Variants in TLL2 observed in about 807,000 individuals in gnomAD.
TLL2 encodes tolloid like 2.
In TLL2, 106 loss-of-function variants were observed where a neutral mutation model predicts 123.0. That is an observed-to-expected ratio of 0.86 (90% CI 0.74 to 1.01). TLL2 has a LOEUF of 1.01. TLL2 is among the 50% of genes least tolerant of loss of function. TLL2 has a pLI of 0.00. For missense variants in TLL2, 1,332 were observed against 1,336.7 expected (o/e 1.00, Z 0.06); for synonymous variants, 494 against 516.8 (o/e 0.96, Z 0.60).
At chr10:96,467,287 A>T (rs953007482) in intron 2 of TLL2, among the ~76,000 whole-genome samples, 1 of 152,102 alleles carries the variant, frequency 6.6e-6, no homozygotes, top group Non-Finnish European at 1.5e-5. Context: ...GCTCAAGCAC[A>T]ATCATAGCTC....
At chr10:96,469,196 T>G (rs1183444189) in intron 2 of TLL2, among the ~76,000 whole-genome samples, 1 of 152,222 alleles carries the variant, frequency 6.6e-6, no homozygotes, top group East Asian at 1.9e-4. Flanking sequence ...GGGTTTGGAC[T>G]CAACACACGA....
At chr10:96,373,429 C>T in intron 19 of TLL2, 167 bp downstream of exon 19, 1 of 660,382 alleles carries the variant, frequency 1.5e-6, no homozygotes, top group Admixed American at 2.8e-5. Context: ...GCATGAGCCA[C>T]CACGCCCAGC....
At chr10:96,455,039 G>T (rs1035375963) in intron 2 of TLL2, among the ~76,000 whole-genome samples, 3 of 152,002 alleles carry the variant, frequency 2.0e-5, no homozygotes, top group African/African-American at 7.2e-5. Context: ...TATGGTGCTT[G>T]CCCATAACAA....
At chr10:96,434,028 G>A (rs1846770385) in intron 3 of TLL2, among the ~76,000 whole-genome samples, 1 of 152,146 alleles carries the variant, frequency 6.6e-6, no homozygotes, top group Admixed American at 6.5e-5. Context: ...ACCCGCCTAG[G>A]CCTCCCAAAG....
chr10:96,446,637 A>C (rs184043970), intron 2 of TLL2, among the ~76,000 whole-genome samples: 2 of 151,888 alleles, frequency 1.3e-5, no homozygotes, highest in Admixed American at 6.6e-5. Flanking sequence ...TACCCTGTGC[A>C]CTCTCTTAGT....
intron 2 of TLL2, among the ~76,000 whole-genome samples, chr10:96,471,157 C>G (rs978795113): frequency 8.3e-6 from 1 of 120,046 alleles, no homozygotes; most frequent in Admixed American, 9.2e-5. Context: ...TTTGCCACCA[C>G]ACTTGGCTAA....
intron 1 of TLL2, among the ~76,000 whole-genome samples, chr10:96,496,096 A>T (rs1460164690): frequency 2.6e-5 from 4 of 152,110 alleles, no homozygotes; most frequent in African/African-American, 9.7e-5. Context: ...CATGTCTGGG[A>T]CTCCCAACCA....
At chr10:96,406,577 G>A (rs1020425431) in intron 9 of TLL2, among the ~76,000 whole-genome samples, 5 of 152,074 alleles carry the variant, frequency 3.3e-5, no homozygotes, top group African/African-American at 1.2e-4. Context: ...AAACCCTTAG[G>A]CTGGAAGGCT....
chr10:96,373,551 G>C (rs1432600758), intron 19 of TLL2, 45 bp downstream of exon 19: 1 of 1,575,146 alleles, frequency 6.3e-7, no homozygotes, highest in Non-Finnish European at 8.7e-7. Flanking sequence ...TCTGTCTCCT[G>C]TCCAAGTGCT....
intron 2 of TLL2, among the ~76,000 whole-genome samples, chr10:96,447,524 G>T (rs147690141): frequency 7.9e-5 from 12 of 152,170 alleles, no homozygotes; most frequent in African/African-American, 2.6e-4. Context: ...GGCAGAGCTC[G>T]CAGGTAGGGC....
At chr10:96,451,103 G>T in intron 2 of TLL2, among the ~76,000 whole-genome samples, 1 of 152,154 alleles carries the variant, frequency 6.6e-6, no homozygotes, top group East Asian at 1.9e-4. Flanking sequence ...GTGATGCATG[G>T]GCCCGGCTGA....
chr10:96,388,553 A>T (rs1156710018), intron 13 of TLL2, among the ~76,000 whole-genome samples: 1 of 152,154 alleles, frequency 6.6e-6, no homozygotes, highest in Non-Finnish European at 1.5e-5. Context: ...CGTTCTGGAG[A>T]GATGGCTCTT....
chr10:96,365,547 A>G lies in TLL2; in HGVS notation c.*2541T>C, dbSNP rs1375047862. ...TGTCATCCCCAAAGCTTGGTACCCA[A>G]TTAAAGCACAAAGCAGGCTGCAGTG... On this transcript the variant is annotated 3_prime_UTR_variant, in exon 21 of 21. Coordinates refer to ENST00000357947, the MANE Select transcript of TLL2 (RefSeq NM_012465.4). The G allele has an allele frequency of 6.6e-6, 1 of 152,260 alleles. No homozygotes were observed. Among genetic ancestry groups the G allele is most frequent in the Non-Finnish European group, 1.5e-5 (1 of 68,048 alleles). 9.4% of individuals were successfully genotyped at this position (152,260 alleles called of 1,614,324 possible).
At chr10:96,474,943 C>T (rs901800206) in intron 2 of TLL2, among the ~76,000 whole-genome samples, 7 of 152,164 alleles carry the variant, frequency 4.6e-5, no homozygotes, top group African/African-American at 1.4e-4. Flanking sequence ...CTTCACATGG[C>T]CTTCTCTGTC....
chr10:96,459,387 G>A (rs1288784458), intron 2 of TLL2, among the ~76,000 whole-genome samples: 2 of 151,768 alleles, frequency 1.3e-5, no homozygotes, highest in Non-Finnish European at 2.9e-5. Flanking sequence ...CCAGAACTTA[G>A]GGAGGTTGAG....
Position 96,477,145 on chromosome 10 carries a change from C to T in TLL2, c.286+3204G>A, listed in dbSNP as rs1026504491. On this transcript the variant is annotated intron_variant, in intron 2 of 20. Transcript: ENST00000357947. ...AACTATTCATACTATTCTAGGTAGA[C>T]GCAAAGTACTATTGGACCTCAGAGA... is the stretch of plus-strand genomic sequence containing the variant. Among the ~76,000 whole-genome samples, 12 of 146,946 alleles carry T rather than the reference C, an allele frequency of 8.2e-5. No homozygotes were observed. In the South Asian group the frequency reaches 1.1e-3, roughly 13 times the overall value.
rs1277634500 is a variant in TLL2, at chr10:96,367,208, G to C, written c.*880C>G. The C allele has an allele frequency of 6.6e-6, 1 of 152,240 alleles. No homozygotes were observed. Among genetic ancestry groups the C allele is most frequent in the Non-Finnish European group, 1.5e-5 (1 of 68,044 alleles). 9.4% of individuals were successfully genotyped at this position (152,240 alleles called of 1,614,324 possible). ...TGCAGTTTGAATTGGATGTCAAGGA[G>C]TCCAGGTGTGCCACGGCAAGTGCCT... On this transcript the variant is annotated 3_prime_UTR_variant, in exon 21 of 21. Coordinates refer to ENST00000357947, the MANE Select transcript of TLL2 (RefSeq NM_012465.4).
chr10:96,404,398 GA>G (rs1846429504), intron 10 of TLL2, among the ~76,000 whole-genome samples: 1 of 152,114 alleles, frequency 6.6e-6, no homozygotes, highest in Non-Finnish European at 1.5e-5. Context: ...GCTCATCATA[GA>G]AAAACTGGAA....
chr10:96,496,564 C>CT (rs1378191394), intron 1 of TLL2, among the ~76,000 whole-genome samples: 1 of 152,180 alleles, frequency 6.6e-6, no homozygotes, highest in Non-Finnish European at 1.5e-5. Flanking sequence ...GGTACCTGGG[C>CT]TGGCGACCAC....
Sources: gnomAD v4.1 joint callset for allele counts (sites outside exome capture counted in the v4.1 genomes callset) on GRCh38, gnomAD v4.1.1 for gene constraint, MANE v1.5 for transcripts, NCBI Gene and HGNC (gene_info 2026-07-23, HGNC 2026-07-21) for gene names.